The following KCNN1 variants were observed in gnomAD, a reference collection of about 807,000 sequenced individuals.
KCNN1 encodes small conductance calcium-activated potassium channel protein 1.
Under a neutral mutation model 44.7 loss-of-function variants are expected in KCNN1, and 20 were observed. The observed-to-expected ratio is 0.45, with a 90% CI of 0.32 to 0.65. The LOEUF (loss-of-function observed/expected upper bound fraction) is 0.65, where lower values mean the gene tolerates loss of function less well. KCNN1 is among the 30% of genes least tolerant of loss of function. The pLI, the probability that KCNN1 is intolerant of heterozygous loss-of-function variation, is 0.05. For missense variants in KCNN1, 632 were observed against 785.3 expected (o/e 0.80, Z 2.33); for synonymous variants, 324 against 341.7 (o/e 0.95, Z 0.57).
intron 2 of KCNN1, among the ~76,000 whole-genome samples, chr19:17,959,987 A>T (rs2031640713): frequency 6.6e-6 from 1 of 151,752 alleles, no homozygotes; most frequent in Non-Finnish European, 1.5e-5. Context: ...GGAGGCTGAG[A>T]CAGGAGAATC....
chr19:17,991,558 C>A (rs1157643539), intron 7 of KCNN1, among the ~76,000 whole-genome samples: 1 of 151,770 alleles, frequency 6.6e-6, no homozygotes, highest in East Asian at 1.9e-4. Flanking sequence ...CATGGCGAAA[C>A]CTTGTCTCTA....
Position 17,957,105 on chromosome 19 carries a change from G to GGGAC in KCNN1, c.-82+2425_-82+2428dup, listed in dbSNP as rs2031560713. Among the ~76,000 whole-genome samples, 4 of 138,260 alleles carry GGGAC rather than the reference G, an allele frequency of 2.9e-5. 1 individual carries two copies. The highest frequency in any genetic ancestry group is 1.4e-4 in the Admixed American group (2 of 13,888). 90.7% of individuals were successfully genotyped at this position (138,260 alleles called of 152,430 possible). ...AAAAACAGAGAAAGGGAGGGAGGGA[G>GGGAC]GGACAGAGGGAGGGAGGAAGGAAGG... On this transcript the variant is annotated intron_variant, in intron 2 of 10. Coordinates refer to the KCNN1 transcript ENST00000222249.
rs371666280 is a variant in KCNN1 at position 17,989,797 on chromosome 19, G to T, written c.1252G>T (p.Ala418Ser). The T allele has an allele frequency of 4.2e-5, 68 of 1,613,868 alleles. No individual in the cohort carries two copies. The highest frequency in any genetic ancestry group is 5.4e-5 in the Non-Finnish European group (64 of 1,179,894). Residue 418 changes from alanine to serine, a missense_variant, in exon 7 of 10, where the codon GCC becomes TCC. This residue lies in a region of KCNN1 where 237 missense variants were observed against 253.0 expected (regional missense o/e 0.94). Coordinates refer to ENST00000684775, the MANE Select transcript of KCNN1 (RefSeq NM_001386974.1). Reference sequence around the variant, plus strand: ...CAGGCTGGTGAAGAAGCCAGACCAAGCCCGGGTTCGGAAACACCAGCGTAA... The same window carrying T: ...CAGGCTGGTGAAGAAGCCAGACCAATCCCGGGTTCGGAAACACCAGCGTAA... Reference protein sequence around the residue: ...HTRLVKKPDQARVRKHQRKFL... With the variant: ...HTRLVKKPDQSRVRKHQRKFL...
chr19:17,978,126 GTTT>G (rs761452750), intron 3 of KCNN1, among the ~76,000 whole-genome samples: 7 of 130,934 alleles, frequency 5.3e-5, no homozygotes, highest in Admixed American at 7.9e-5. Flanking sequence ...ATGTATACTT[GTTT>G]TTTTTTTTTT....
upstream of KCNN1, among the ~76,000 whole-genome samples, chr19:17,963,315 CT>C (rs111446729): frequency 2.3e-3 from 305 of 133,744 alleles, no homozygotes; most frequent in Admixed American, 2.8e-3. Context: ...ACCCGGCCAC[CT>C]TTTTTTTTTT....
rs955380845 is a variant in KCNN1 at position 17,989,901 on chromosome 19, C to T, written c.1298+58C>T. 2.5e-6 allele frequency: 4 copies of T among 1,609,756 alleles called. No homozygotes were observed. In the South Asian group the frequency reaches 3.3e-5, roughly 13 times the overall value. ...GTGTCCACATGGCGCGGAGGCAGCCCTCGCAGCTCTGTGTGGCCTCTTCAC... is the reference window on the plus strand; with the variant it reads ...GTGTCCACATGGCGCGGAGGCAGCCTTCGCAGCTCTGTGTGGCCTCTTCAC... On this transcript the variant is annotated intron_variant, in intron 7 of 9. Transcript: ENST00000684775.
chr19:17,994,570 G>A (rs2032916886), intron 9 of KCNN1, among the ~76,000 whole-genome samples: 1 of 151,712 alleles, frequency 6.6e-6, no homozygotes, highest in African/African-American at 2.4e-5. Context: ...TTGAGACAGA[G>A]TCTTGCTCTG....
intron 5 of KCNN1, among the ~76,000 whole-genome samples, chr19:17,985,955 C>A (rs897301966): frequency 6.6e-6 from 1 of 152,256 alleles, no homozygotes; most frequent in South Asian, 2.1e-4. Context: ...GGGGGCCGGG[C>A]GTGGTGGCTC....
upstream of KCNN1, among the ~76,000 whole-genome samples, chr19:17,962,445 G>A (rs945118146): frequency 2.6e-5 from 4 of 152,084 alleles, no homozygotes; most frequent in African/African-American, 7.2e-5. Context: ...TATCAAAGCC[G>A]GTCTTGTCTT....
At position 17,974,061 on chromosome 19, in the gene KCNN1, G is replaced by GC; in HGVS notation, c.178dup (p.Arg60ProfsTer10). 4 of 1,611,056 alleles carry GC rather than the reference G, an allele frequency of 2.5e-6. No individual in the cohort carries two copies. Among genetic ancestry groups the GC allele is most frequent in the Non-Finnish European group, 1.7e-6 (2 of 1,179,594 alleles). ...GAGCCAGCCCGGCCCTCACCCGGCA[G>GC]CCCCCGGGGGCAGCCCCAGGACCAG... On this transcript the variant is annotated frameshift_variant, in exon 2 of 10. Transcript: ENST00000684775. This position sits in a 1 kb window ranked among gnomAD's most constrained non-coding sequence, Gnocchi z 7.3.
At position 17,975,172 on chromosome 19, in the gene KCNN1, T is replaced by C. The variant is rs1296613497; in HGVS notation, c.483T>C (p.His161=). ...TGCTGGGTCTCGTTGTCCTCTACCA[T>C]GCCCGGGAGATCCAGGTCAGTGCTG... ...AILLGLVVLY[H]AREIQLFMVD... The change falls in exon 3 of 10, where the codon CAT becomes CAC. Residue 161 remains histidine, a synonymous_variant. Transcript: ENST00000684775. 1 of 1,613,626 alleles carries C rather than the reference T, an allele frequency of 6.2e-7. No homozygotes were observed. The highest frequency in any genetic ancestry group is 1.1e-5 in the South Asian group (1 of 91,078).
chr19:17,962,944 G>T (rs1437038354), upstream of KCNN1, among the ~76,000 whole-genome samples: 1 of 148,028 alleles, frequency 6.8e-6, no homozygotes, highest in Non-Finnish European at 1.5e-5. Context: ...CTCATGATCC[G>T]CCTGTCTTGG....
chr19:17,975,364 C>T (rs1385381196), intron 3 of KCNN1, among the ~76,000 whole-genome samples, 177 bp downstream of exon 3: 1 of 152,158 alleles, frequency 6.6e-6, no homozygotes, highest in Non-Finnish European at 1.5e-5. Context: ...CCTTGAAACA[C>T]ACATCTGTGT....
At chr19:17,990,919 T>G (rs113610832) in intron 7 of KCNN1, among the ~76,000 whole-genome samples, 32 of 152,178 alleles carry the variant, frequency 2.1e-4, no homozygotes, top group Non-Finnish European at 7.3e-5. Context: ...TGGCTGCTCA[T>G]TGAAGTCACC....
rs796253194 is a variant in KCNN1, at chr19:17,990,807, AAAAAAAAG to A, written c.1298+968_1298+975del. ...AGAGTGAGACTCTGTCTCAAAAAAA[AAAAAAAAG>A]AAAGAAAAAGAAAAAAAAGAAGAAA... On this transcript the variant is annotated intron_variant, in intron 7 of 9. Coordinates refer to ENST00000684775, the MANE Select transcript of KCNN1 (RefSeq NM_001386974.1). Among the ~76,000 whole-genome samples the A allele has an allele frequency of 7.9e-5, 12 of 151,380 alleles. No homozygotes were observed. The South Asian group carries it at 2.1e-3, about 26-fold the overall frequency.
At chr19:17,981,148 C>T (rs1218283596) in intron 3 of KCNN1, among the ~76,000 whole-genome samples, 2 of 151,894 alleles carry the variant, frequency 1.3e-5, no homozygotes, top group Non-Finnish European at 2.9e-5. Flanking sequence ...ACCCGGGAGG[C>T]AGAGGTTGCC....
Position 17,985,405 on chromosome 19 carries a change from G to C in KCNN1, c.1011G>C (p.Val337=). 3 of 1,611,446 alleles carry C rather than the reference G, an allele frequency of 1.9e-6. No homozygotes were observed. Among genetic ancestry groups the C allele is most frequent in the Non-Finnish European group, 2.5e-6 (3 of 1,178,180 alleles). Residue 337 remains valine (V), a synonymous_variant, in exon 5 of 10, where the codon GTG becomes GTC. Transcript: ENST00000684775. ...TFLSIGYGDM[V]PHTYCGKGVC... is the part of the protein sequence containing the mutation. ...TCTCCATTGGCTACGGCGACATGGT[G>C]CCCCACACCTACTGCGGGAAGGGTG...
intron 4 of KCNN1, 35 bp downstream of exon 4, chr19:17,982,162 C>T: frequency 6.9e-7 from 1 of 1,454,340 alleles, no homozygotes; most frequent in Non-Finnish European, 9.1e-7. Context: ...CCCCAGCCCC[C>T]AGCCCCCGTC....
chr19:17,963,929 A>G (rs1046329274), upstream of KCNN1, among the ~76,000 whole-genome samples: 2 of 151,940 alleles, frequency 1.3e-5, no homozygotes, highest in East Asian at 1.9e-4. Flanking sequence ...GGGTCTCGCT[A>G]TGTTGCCTAG....
Sources: gnomAD v4.1 joint callset for allele counts (sites outside exome capture counted in the v4.1 genomes callset) on GRCh38, gnomAD v4.1.1 for gene constraint, gnomAD v4.1.1 regional missense constraint, Gnocchi (gnomAD v3.1) non-coding constraint, MANE v1.5 for transcripts, NCBI Gene and HGNC (gene_info 2026-07-23, HGNC 2026-07-21) for gene names.